Variants in PDSS2 observed in about 807,000 individuals in gnomAD.
The protein encoded by PDSS2 is decaprenyl diphosphate synthase subunit 2.
Under a neutral mutation model 44.5 loss-of-function variants are expected in PDSS2, and 31 were observed. That is an observed-to-expected ratio of 0.70 (90% CI 0.52 to 0.94). The LOEUF (loss-of-function observed/expected upper bound fraction) is 0.94, where lower values mean the gene tolerates loss of function less well. Among genes scored for constraint, PDSS2 ranks in the 40% least tolerant of loss-of-function variants. PDSS2 has a pLI of 0.00. For synonymous variants in PDSS2, 157 were observed against 180.3 expected, an observed-to-expected ratio of 0.87 and a Z score of 1.03; for missense variants, 452 against 482.2, an observed-to-expected ratio of 0.94 and a Z score of 0.59.
At chr6:107,217,868 C>A (rs1306431008) in intron 4 of PDSS2, among the ~76,000 whole-genome samples, 1 of 152,168 alleles carries the variant, frequency 6.6e-6, no homozygotes, top group African/African-American at 2.4e-5. Context: ...TAACATTGCT[C>A]CAAAACTGTA....
chr6:107,378,042 TAAAAAA>T (rs1189814722), intron 1 of PDSS2, among the ~76,000 whole-genome samples: 1 of 145,726 alleles, frequency 6.9e-6, no homozygotes, highest in African/African-American at 2.5e-5. Context: ...ATAATAATAA[TAAAAAA>T]ATAAAAATAA....
At chr6:107,264,470 C>T in intron 3 of PDSS2, 1 of 1,549,098 alleles carries the variant, frequency 6.5e-7, no homozygotes, top group Non-Finnish European at 8.7e-7. Flanking sequence ...GACTCACAGT[C>T]TCCCATCTGA....
At chr6:107,192,951 G>A (rs1297605771) in intron 7 of PDSS2, among the ~76,000 whole-genome samples, 1 of 152,126 alleles carries the variant, frequency 6.6e-6, no homozygotes, top group Non-Finnish European at 1.5e-5. Flanking sequence ...GCCCTTCTGG[G>A]TCATGTTTCT....
chr6:107,343,044 G>A lies in PDSS2; in HGVS notation c.297-8712C>T, dbSNP rs571407742. On this transcript the variant is annotated intron_variant, in intron 1 of 7. Coordinates refer to ENST00000369037, the MANE Select transcript of PDSS2 (RefSeq NM_020381.4). Reference sequence around the variant, plus strand: ...TTGCCCAGGCTGGTCTCAAACTCCTGGGCTTAAGTGATCCTCTCGCCTTGG... The same window carrying A: ...TTGCCCAGGCTGGTCTCAAACTCCTAGGCTTAAGTGATCCTCTCGCCTTGG... 1.6e-4 allele frequency among the ~76,000 whole-genome samples: 24 copies of A among 152,180 alleles called. No individual in the cohort carries two copies. The East Asian group carries it at 4.1e-3, about 26-fold the overall frequency.
At chr6:107,447,691 C>T (rs1331357199) in intron 1 of PDSS2, among the ~76,000 whole-genome samples, 1 of 152,202 alleles carries the variant, frequency 6.6e-6, no homozygotes, top group African/African-American at 2.4e-5. Context: ...ATGGTGCAAG[C>T]TGTACGTGGA....
intron 1 of PDSS2, among the ~76,000 whole-genome samples, chr6:107,433,398 T>C (rs146117358): frequency 0.038 from 5,761 of 152,200 alleles, 359 homozygotes; most frequent in African/African-American, 0.13. Flanking sequence ...CAAAACAGCA[T>C]GGTACTGGCA....
chr6:107,165,822 G>A, intron 7 of PDSS2, among the ~76,000 whole-genome samples: 1 of 152,094 alleles, frequency 6.6e-6, no homozygotes, highest in East Asian at 1.9e-4. Context: ...CCATTTGTTT[G>A]TGTCTTCTTT....
chr6:107,297,510 G>A (rs549169826), intron 2 of PDSS2, among the ~76,000 whole-genome samples: 11 of 151,606 alleles, frequency 7.3e-5, no homozygotes, highest in Middle Eastern at 3.4e-3. Context: ...AGCCTCCCGA[G>A]TAGCTGGGGT....
At chr6:107,372,559 C>T (rs1210321901) in intron 1 of PDSS2, among the ~76,000 whole-genome samples, 8 of 152,204 alleles carry the variant, frequency 5.3e-5, no homozygotes, top group African/African-American at 1.9e-4. Flanking sequence ...TCATGCCATT[C>T]TCCTGCCTCA....
chr6:107,365,165 A>G (rs1778924369), intron 1 of PDSS2, among the ~76,000 whole-genome samples: 1 of 152,200 alleles, frequency 6.6e-6, no homozygotes. Flanking sequence ...AAAAGATATG[A>G]TTACATAAAG....
At chr6:107,285,498 A>G (rs1214833858) in intron 2 of PDSS2, among the ~76,000 whole-genome samples, 1 of 152,110 alleles carries the variant, frequency 6.6e-6, no homozygotes, top group Non-Finnish European at 1.5e-5. Flanking sequence ...GAAGAAGAAG[A>G]AGAAGGAAAA....
intron 7 of PDSS2, among the ~76,000 whole-genome samples, chr6:107,164,937 A>T (rs2114320464): frequency 6.6e-6 from 1 of 152,126 alleles, no homozygotes; most frequent in East Asian, 1.9e-4. Flanking sequence ...GCATTTTTTC[A>T]TGTGTCTATT....
intron 2 of PDSS2, among the ~76,000 whole-genome samples, chr6:107,310,927 T>G (rs1213876532): frequency 6.6e-6 from 1 of 151,906 alleles, no homozygotes; most frequent in Non-Finnish European, 1.5e-5. Context: ...AACTTTTTTT[T>G]TTTTTTTTGA....
At chr6:107,432,538 C>G (rs1222105053) in intron 1 of PDSS2, among the ~76,000 whole-genome samples, 1 of 152,130 alleles carries the variant, frequency 6.6e-6, no homozygotes, top group Non-Finnish European at 1.5e-5. Context: ...TGCCTGTGAT[C>G]CAAGCACTTT....
chr6:107,242,418 T>C (rs1388429611), intron 4 of PDSS2, among the ~76,000 whole-genome samples: 1 of 152,038 alleles, frequency 6.6e-6, no homozygotes, highest in Admixed American at 6.6e-5. Flanking sequence ...CGCCCGCCAC[T>C]GTGCCCGCCT....
chr6:107,217,958 C>T lies in PDSS2; in HGVS notation c.703-5676G>A, dbSNP rs562616785. ...ATCTAATAGTTGCTGAAATAACTTGCTGCAACTCTAAGACTAATTTTATCC... is the reference window on the plus strand; with the variant it reads ...ATCTAATAGTTGCTGAAATAACTTGTTGCAACTCTAAGACTAATTTTATCC... On this transcript the variant is annotated intron_variant, in intron 4 of 7. Transcript: ENST00000369037. Among the ~76,000 whole-genome samples, 3 of 152,332 alleles carry T rather than the reference C, an allele frequency of 2.0e-5. No individual in the cohort carries two copies. The South Asian group carries it at 6.2e-4, about 32-fold the overall frequency.
chr6:107,212,836 C>CA (rs68101776), intron 4 of PDSS2, among the ~76,000 whole-genome samples: 267 of 127,780 alleles, frequency 2.1e-3, no homozygotes, highest in Middle Eastern at 4.6e-3. Context: ...CAAGACTCTA[C>CA]AAAAAAAAAA....
intron 1 of PDSS2, among the ~76,000 whole-genome samples, chr6:107,376,262 T>C (rs2114425408): frequency 6.6e-6 from 1 of 152,066 alleles, no homozygotes; most frequent in South Asian, 2.1e-4. Context: ...TTTGGTTCCA[T>C]ATGAACTTTA....
intron 3 of PDSS2, among the ~76,000 whole-genome samples, chr6:107,254,932 C>T (rs1484688240): frequency 6.7e-6 from 1 of 149,362 alleles, no homozygotes; most frequent in Non-Finnish European, 1.5e-5. Flanking sequence ...GGTGTGATCT[C>T]GGCTCACTCC....
Sources: gnomAD v4.1 joint callset for allele counts (sites outside exome capture counted in the v4.1 genomes callset) on GRCh38, gnomAD v4.1.1 for gene constraint, MANE v1.5 for transcripts, NCBI Gene and HGNC (gene_info 2026-07-23, HGNC 2026-07-21) for gene names.